Variants in CPNE2 observed in about 807,000 individuals in gnomAD.
CPNE2 encodes the protein copine 2.
A neutral mutation model predicts 69.7 loss-of-function variants in CPNE2; 42 were observed. That is an observed-to-expected ratio of 0.60 (90% CI 0.47 to 0.78). CPNE2 has a LOEUF of 0.78. CPNE2 is among the 30% of genes least tolerant of loss of function. The probability of loss-of-function intolerance (pLI) is 0.00; values close to 1 mark genes in which losing one functional copy is unlikely to be tolerated. For synonymous variants in CPNE2, 294 were observed against 289.8 expected, an observed-to-expected ratio of 1.01 and a Z score of -0.15; for missense variants, 587 against 732.0, an observed-to-expected ratio of 0.80 and a Z score of 2.29.
chr16:57,111,963 C>A (rs2069684283), intron 2 of CPNE2, among the ~76,000 whole-genome samples: 1 of 152,190 alleles, frequency 6.6e-6, no homozygotes, highest in Non-Finnish European at 1.5e-5. Context: ...TGTTAGGAAC[C>A]CACCTGTCAT....
rs567099281 is a variant in CPNE2 at position 57,092,970 on chromosome 16, C to G, written c.-36+180C>G. ...ACTCCGGCGCTTCGGTGACTCAGCT[C>G]CGACCCGGCCACGCGGGGGCGCCCC... is the stretch of plus-strand genomic sequence containing the variant. On this transcript the variant is annotated intron_variant, in intron 1 of 15. Transcript: ENST00000290776. The surrounding 1 kb of genome is among the most constrained non-coding windows in gnomAD (Gnocchi z 5.3). 6.6e-6 allele frequency among the ~76,000 whole-genome samples: 1 copy of G among 152,124 alleles called. No homozygotes were observed. Among genetic ancestry groups the G allele is most frequent in the African/African-American group, 2.4e-5 (1 of 41,444 alleles).
chr16:57,092,863 A>C lies in CPNE2; in HGVS notation c.-36+73A>C. On this transcript the variant is annotated intron_variant, in intron 1 of 15. Transcript: ENST00000290776. The surrounding 1 kb of genome is among the most constrained non-coding windows in gnomAD (Gnocchi z 5.3). ...TTCGGCCTTGGGGCTGGGCTCTTTG[A>C]TCCAGCTGCGGGTCCGAAGGAACCC... 6.6e-6 allele frequency: 1 copy of C among 151,520 alleles called. No homozygotes were observed. The highest frequency in any genetic ancestry group is 2.0e-4 in the East Asian group (1 of 5,116). 9.4% of individuals were successfully genotyped at this position (151,520 alleles called of 1,614,324 possible). A position where few individuals can be genotyped will look rare whatever the true frequency, so the allele number is the denominator to read the frequency against.
Position 57,098,805 on chromosome 16 carries a change from G to C in CPNE2, c.-36+6015G>C, listed in dbSNP as rs1162931807. Among the ~76,000 whole-genome samples, 3 of 152,260 alleles carry C rather than the reference G, an allele frequency of 2.0e-5. No individual in the cohort carries two copies. The East Asian group carries it at 5.8e-4, about 29-fold the overall frequency. On this transcript the variant is annotated intron_variant, in intron 1 of 15. Transcript: ENST00000290776. ...AGCAACGAAATGGAAACAGGGTTTG[G>C]TTCCATCTTTAAGCTCCAGTGAGGG...
rs547131969 is a variant in CPNE2 at position 57,116,633 on chromosome 16, T to A, written c.436-863T>A. Among the ~76,000 whole-genome samples the A allele has an allele frequency of 1.8e-4, 28 of 152,270 alleles. No homozygotes were observed. In the Middle Eastern group the frequency reaches 0.01, roughly 55 times the overall value. On this transcript the variant is annotated intron_variant, in intron 4 of 15. Transcript: ENST00000290776. ...CAGACAGACCCCACTCACCCGGGTA[T>A]GCCATCACCCCAGCATTTCTGGCAG... is the stretch of plus-strand genomic sequence containing the variant.
intron 10 of CPNE2, chr16:57,124,661 C>T (rs1221140469): frequency 7.1e-6 from 2 of 280,204 alleles, no homozygotes; most frequent in African/African-American, 4.5e-5. Flanking sequence ...TTCCTCACCC[C>T]AAGGGAGCCT....
At chr16:57,125,025 A>C in intron 10 of CPNE2, 1 of 305,870 alleles carries the variant, frequency 3.3e-6, no homozygotes, top group Non-Finnish European at 6.7e-6. Context: ...CCATGTGAGG[A>C]TTTGGATGGG....
At chr16:57,121,576 C>G in intron 8 of CPNE2, 98 bp from the exon 9 acceptor site, 1 of 1,176,196 alleles carries the variant, frequency 8.5e-7, no homozygotes, top group South Asian at 1.3e-5. Flanking sequence ...CATGCTGCCC[C>G]CATTGTCAAG....
Position 57,092,913 on chromosome 16 carries a change from C to A in CPNE2, c.-36+123C>A, listed in dbSNP as rs1275366097. Reference sequence around the variant, plus strand: ...CGGGTTCCGCCTCGGGGGGCTGCGGCGCTCTAGCCCCCGCCGCCAGCGCGA... The same window carrying A: ...CGGGTTCCGCCTCGGGGGGCTGCGGAGCTCTAGCCCCCGCCGCCAGCGCGA... On this transcript the variant is annotated intron_variant, in intron 1 of 15. Transcript: ENST00000290776. The surrounding 1 kb of genome is among the most constrained non-coding windows in gnomAD (Gnocchi z 5.3). 6.6e-6 allele frequency: 1 copy of A among 151,918 alleles called. No homozygotes were observed. The highest frequency in any genetic ancestry group is 6.6e-5 in the Admixed American group (1 of 15,266). The allele number at this position is 151,918 out of a possible 1,614,324, so 9.4% of individuals were successfully genotyped here.
chr16:57,125,095 G>A (rs917585774), intron 10 of CPNE2: 7 of 327,092 alleles, frequency 2.1e-5, no homozygotes, highest in Non-Finnish European at 3.7e-5. Flanking sequence ...TCTTCCCCGG[G>A]GTCCTACTTC....
chr16:57,123,353 C>A (rs1319201331), intron 9 of CPNE2, 61 bp from the exon 10 acceptor site: 4 of 1,562,714 alleles, frequency 2.6e-6, no homozygotes, highest in African/African-American at 1.4e-5. Context: ...AGAGCAACAA[C>A]TCCCCCATGG....
At chr16:57,126,361 G>A (rs1184861083) in intron 11 of CPNE2, among the ~76,000 whole-genome samples, 2 of 152,220 alleles carry the variant, frequency 1.3e-5, no homozygotes, top group African/African-American at 4.8e-5. Context: ...CGCAGATCAT[G>A]GGACCAGAGG....
intron 14 of CPNE2, among the ~76,000 whole-genome samples, chr16:57,145,384 G>A (rs893113806): frequency 5.9e-5 from 9 of 152,288 alleles, no homozygotes; most frequent in East Asian, 1.9e-4. Context: ...GTCCTCTTCC[G>A]GGGTGACTTG....
chr16:57,095,272 C>T lies in CPNE2; in HGVS notation c.-36+2482C>T, dbSNP rs565508742. ...AAGTCCACAATCACACATCTCCCCA[C>T]CTCCCTGTCCAGAAGGGAGGACATA... On this transcript the variant is annotated intron_variant, in intron 1 of 15. Coordinates refer to ENST00000290776, the MANE Select transcript of CPNE2 (RefSeq NM_152727.6). 3.9e-5 allele frequency among the ~76,000 whole-genome samples: 6 copies of T among 152,304 alleles called. No individual in the cohort carries two copies. The South Asian group carries it at 1.2e-3, about 32-fold the overall frequency.
intron 13 of CPNE2, among the ~76,000 whole-genome samples, chr16:57,136,490 C>T (rs2069882221): frequency 6.6e-6 from 1 of 152,212 alleles, no homozygotes; most frequent in African/African-American, 2.4e-5. Flanking sequence ...TCGCCAAGCC[C>T]CTTCTCTGGA....
At chr16:57,107,339 G>C (rs1242034435) in intron 1 of CPNE2, among the ~76,000 whole-genome samples, 1 of 152,242 alleles carries the variant, frequency 6.6e-6, no homozygotes, top group Non-Finnish European at 1.5e-5. Context: ...TGGGAGGGAG[G>C]GGGCTGAGGA....
At chr16:57,138,957 G>A (rs1202256549) in intron 14 of CPNE2, among the ~76,000 whole-genome samples, 4 of 152,188 alleles carry the variant, frequency 2.6e-5, no homozygotes, top group Non-Finnish European at 5.9e-5. Flanking sequence ...GGGAGGTGGT[G>A]GGAAAGATAG....
At chr16:57,138,385 C>T (rs2069898131) in intron 14 of CPNE2, among the ~76,000 whole-genome samples, 2 of 152,200 alleles carry the variant, frequency 1.3e-5, no homozygotes, top group Non-Finnish European at 1.5e-5. Flanking sequence ...CCACAAGCTA[C>T]CATTTGTTTC....
chr16:57,093,973 C>G (rs527952652), intron 1 of CPNE2: 8 of 451,224 alleles, frequency 1.8e-5, no homozygotes, highest in East Asian at 7.0e-5. Flanking sequence ...GACCCTCCCC[C>G]CCTGTGGCCC....
At chr16:57,125,461 G>A in intron 10 of CPNE2, 1 of 425,924 alleles carries the variant, frequency 2.3e-6, no homozygotes, top group Non-Finnish European at 4.8e-6. Flanking sequence ...TGGCATCTGA[G>A]TTGGGCCTGG....
Sources: allele counts gnomAD v4.1 joint callset (sites outside exome capture counted in the v4.1 genomes callset), GRCh38; gene constraint gnomAD v4.1.1; non-coding constraint Gnocchi (gnomAD v3.1); transcripts MANE v1.5; gene names NCBI Gene and HGNC (gene_info 2026-07-23, HGNC 2026-07-21).